Variants in PELI2 observed in about 807,000 individuals in gnomAD.
PELI2 encodes pellino E3 ubiquitin protein ligase family member 2, also known as E3 ubiquitin-protein ligase pellino homolog 2.
Under a neutral mutation model 42.3 loss-of-function variants are expected in PELI2, and 23 were observed. The observed-to-expected ratio is 0.54, with a 90% CI of 0.39 to 0.77. The LOEUF (loss-of-function observed/expected upper bound fraction) is 0.77. Among genes scored for constraint, PELI2 ranks in the 30% least tolerant of loss-of-function variants. The pLI is 0.00. For synonymous variants in PELI2, 245 were observed against 212.2 expected (o/e 1.15, Z -1.34); for missense variants, 463 against 553.2 (o/e 0.84, Z 1.64).
intron 2 of PELI2, among the ~76,000 whole-genome samples, chr14:56,211,720 G>A (rs897442668): frequency 6.6e-6 from 1 of 152,138 alleles, no homozygotes; most frequent in African/African-American, 2.4e-5. Context: ...TGTTATTTTT[G>A]TATTGTTATT....
chr14:56,181,091 A>G (rs1378344355), intron 2 of PELI2, among the ~76,000 whole-genome samples: 1 of 152,070 alleles, frequency 6.6e-6, no homozygotes, highest in East Asian at 1.9e-4. Context: ...TCCCACTGAT[A>G]TGGTGCTCCT....
rs1886266348 is a variant in PELI2 at position 56,199,782 on chromosome 14, A to G, written c.207+21318A>G. ...AGCCAGCTATTTCTTAAGTATTTAC[A>G]TGTAGTTTTCACTCAGCTTACCAGG... is the stretch of plus-strand genomic sequence containing the variant. On this transcript the variant is annotated intron_variant, in intron 2 of 5. Coordinates refer to ENST00000267460, the MANE Select transcript of PELI2 (RefSeq NM_021255.3). 2.6e-5 allele frequency among the ~76,000 whole-genome samples: 4 copies of G among 152,244 alleles called. No homozygotes were observed. In the South Asian group the frequency reaches 8.3e-4, roughly 31 times the overall value.
rs773929150 is a variant in PELI2 at position 56,299,082 on chromosome 14, A to G, written c.*1916A>G. 2 of 152,192 alleles carry G rather than the reference A, an allele frequency of 1.3e-5. No homozygotes were observed. The highest frequency in any genetic ancestry group is 2.1e-4 in the South Asian group (1 of 4,824). The allele number at this position is 152,192 out of a possible 1,614,324, so 9.4% of individuals were successfully genotyped here. A position where few individuals can be genotyped will look rare whatever the true frequency, so the allele number is the denominator to read the frequency against. On this transcript the variant is annotated 3_prime_UTR_variant, in exon 6 of 6. Transcript: ENST00000267460. The stretch of plus-strand genomic sequence containing the variant: ...ATTCTTTGGGCCCCAAAGAATGACA[A>G]AGGAGGCACTCGTTCTCTTTTCTTG...
intron 1 of PELI2, among the ~76,000 whole-genome samples, chr14:56,138,598 T>G (rs1157300753): frequency 2.0e-5 from 3 of 152,248 alleles, no homozygotes; most frequent in African/African-American, 7.2e-5. Flanking sequence ...ATGTCCTGTT[T>G]AGTACACTTA....
chr14:56,238,707 G>T (rs1887878598), intron 2 of PELI2, among the ~76,000 whole-genome samples: 1 of 152,150 alleles, frequency 6.6e-6, no homozygotes, highest in African/African-American at 2.4e-5. Context: ...TCATTACTAA[G>T]ATAGTTCGTG....
intron 3 of PELI2, among the ~76,000 whole-genome samples, chr14:56,282,429 A>G (rs1258939819): frequency 3.3e-5 from 5 of 152,126 alleles, no homozygotes; most frequent in East Asian, 1.9e-4. Context: ...AAAATGGTTT[A>G]AATCATGCTT....
At chr14:56,262,370 C>G (rs192249203) in intron 2 of PELI2, among the ~76,000 whole-genome samples, 1 of 152,192 alleles carries the variant, frequency 6.6e-6, no homozygotes, top group Admixed American at 6.5e-5. Flanking sequence ...ATCTGAATCC[C>G]CAGTGTATTC....
chr14:56,142,982 G>C (rs1222075480), intron 1 of PELI2, among the ~76,000 whole-genome samples: 1 of 152,062 alleles, frequency 6.6e-6, no homozygotes. Flanking sequence ...CTGGAAATTA[G>C]CAGTGGTACA....
chr14:56,239,803 C>T (rs537309709), intron 2 of PELI2, among the ~76,000 whole-genome samples: 65 of 152,254 alleles, frequency 4.3e-4, no homozygotes, highest in Admixed American at 1.2e-3. Context: ...CAGGGGGAGT[C>T]GTGGCTGTTG....
chr14:56,134,453 T>C (rs1439669927), intron 1 of PELI2, among the ~76,000 whole-genome samples: 1 of 152,228 alleles, frequency 6.6e-6, no homozygotes, highest in Non-Finnish European at 1.5e-5. Flanking sequence ...GCTTTTGTAT[T>C]TATATGCTTG....
At chr14:56,144,727 G>C (rs1476279486) in intron 1 of PELI2, among the ~76,000 whole-genome samples, 2 of 152,194 alleles carry the variant, frequency 1.3e-5, no homozygotes, top group Non-Finnish European at 2.9e-5. Flanking sequence ...ATAAAATTTT[G>C]TAAAGACATG....
intron 2 of PELI2, among the ~76,000 whole-genome samples, chr14:56,211,652 A>G (rs371304248): frequency 1.1e-4 from 17 of 152,346 alleles, no homozygotes; most frequent in African/African-American, 4.1e-4. Flanking sequence ...TAAGATGGAC[A>G]TTAGACTTAC....
At chr14:56,267,512 C>CTTGGAA (rs1888949808) in intron 2 of PELI2, among the ~76,000 whole-genome samples, 2 of 152,106 alleles carry the variant, frequency 1.3e-5, no homozygotes, top group African/African-American at 2.4e-5. Flanking sequence ...CAAGGAAAGA[C>CTTGGAA]ATTCATTATT....
intron 2 of PELI2, 45 bp from the exon 3 acceptor site, chr14:56,279,631 G>A (rs376283516): frequency 6.1e-5 from 68 of 1,120,070 alleles, no homozygotes; most frequent in Non-Finnish European, 8.5e-5. Flanking sequence ...TTGATAAGTT[G>A]TTGAAATGGA....
chr14:56,205,801 C>G (rs1336243768), intron 2 of PELI2, among the ~76,000 whole-genome samples: 3 of 152,084 alleles, frequency 2.0e-5, no homozygotes, highest in African/African-American at 7.2e-5. Flanking sequence ...GTCACACACA[C>G]CTGACCCTGC....
At chr14:56,153,915 G>A (rs1336367790) in intron 1 of PELI2, among the ~76,000 whole-genome samples, 2 of 152,142 alleles carry the variant, frequency 1.3e-5, no homozygotes, top group African/African-American at 4.8e-5. Flanking sequence ...CTTATGGTAA[G>A]GGTTGATTTT....
chr14:56,241,386 C>A (rs1887970036), intron 2 of PELI2, among the ~76,000 whole-genome samples: 1 of 152,078 alleles, frequency 6.6e-6, no homozygotes, highest in Non-Finnish European at 1.5e-5. Flanking sequence ...ATGTGAGTTA[C>A]AAAGGTAGTA....
intron 1 of PELI2, among the ~76,000 whole-genome samples, chr14:56,177,750 T>C (rs1378634126): frequency 6.6e-6 from 1 of 152,226 alleles, no homozygotes; most frequent in Non-Finnish European, 1.5e-5. Flanking sequence ...AACAAAAATA[T>C]ATTTAATTTC....
At chr14:56,141,434 A>T (rs1883903241) in intron 1 of PELI2, among the ~76,000 whole-genome samples, 3 of 152,160 alleles carry the variant, frequency 2.0e-5, no homozygotes, top group South Asian at 4.1e-4. Flanking sequence ...TTGGTCTGTT[A>T]GGTTTTTTCT....
Sources: gnomAD v4.1 joint callset for allele counts (sites outside exome capture counted in the v4.1 genomes callset) on GRCh38, gnomAD v4.1.1 for gene constraint, MANE v1.5 for transcripts, NCBI Gene and HGNC (gene_info 2026-07-23, HGNC 2026-07-21) for gene names.